ACO1: variants seen among roughly 807,000 people sequenced by gnomAD.
ACO1 encodes aconitase 1, also known as cytoplasmic aconitate hydratase.
In ACO1, 78 loss-of-function variants were observed where a neutral mutation model predicts 105.1. That is an observed-to-expected ratio of 0.74 (90% CI 0.62 to 0.90). The LOEUF is 0.90. ACO1 is among the 40% of genes least tolerant of loss of function. The pLI is 0.00. For missense variants in ACO1, 965 were observed against 1,111.1 expected (o/e 0.87, Z 1.87); for synonymous variants, 364 against 397.4 (o/e 0.92, Z 1.00).
intron 1 of ACO1, among the ~76,000 whole-genome samples, chr9:32,401,703 C>T (rs1821499304): frequency 6.6e-6 from 1 of 152,212 alleles, no homozygotes; most frequent in African/African-American, 2.4e-5. Context: ...GGGAAAAACC[C>T]TAGCTCTTCA....
At chr9:32,408,482 T>G (rs1225723198) in intron 3 of ACO1, 32 bp from the exon 4 acceptor site, 1 of 1,612,678 alleles carries the variant, frequency 6.2e-7, no homozygotes, top group Non-Finnish European at 8.5e-7. Flanking sequence ...ATTTAAGGCT[T>G]ATTTTCTGCA....
At chr9:32,400,638 A>G (rs563279037) in intron 1 of ACO1, among the ~76,000 whole-genome samples, 2 of 152,216 alleles carry the variant, frequency 1.3e-5, no homozygotes, top group African/African-American at 4.8e-5. Context: ...GGACCATTCT[A>G]TCTTTCTTTC....
In ACO1 at chr9:32,452,977, C is replaced by CCCCCCA. The variant is rs1554664991; in HGVS notation, c.*2866_*2867insCCCCCA. ...AATCAATCACCACCCCCCCCCCCCCCAAAAAAAAAAGTATCTTGGCCAGTG... is the reference window on the plus strand; with the variant it reads ...AATCAATCACCACCCCCCCCCCCCCCCCCCCAAAAAAAAAAAGTATCTTGGCCAGTG... On this transcript the variant is annotated 3_prime_UTR_variant, in exon 21 of 21. Coordinates refer to ENST00000309951, the MANE Select transcript of ACO1 (RefSeq NM_002197.3). The CCCCCCA allele has an allele frequency of 1.1e-5, 1 of 91,922 alleles. No homozygotes were observed. Among genetic ancestry groups the CCCCCCA allele is most frequent in the Non-Finnish European group, 2.1e-5 (1 of 47,332 alleles). The allele number at this position is 91,922 out of a possible 1,614,324, so 5.7% of individuals were successfully genotyped here. A position where few individuals can be genotyped will look rare whatever the true frequency, so the allele number is the denominator to read the frequency against.
chr9:32,434,887 G>C (rs749145506), intron 17 of ACO1, among the ~76,000 whole-genome samples, 186 bp downstream of exon 17: 5 of 152,098 alleles, frequency 3.3e-5, no homozygotes, highest in Admixed American at 3.3e-4. Context: ...TGGGAGAAAC[G>C]ATCAACATGT....
rs982724567 is a variant in ACO1, at chr9:32,452,787, A to C, written c.*2676A>C. The C allele has an allele frequency of 1.4e-5, 2 of 147,172 alleles. No homozygotes were observed. The highest frequency in any genetic ancestry group is 2.1e-4 in the South Asian group (1 of 4,752). The allele number at this position is 147,172 out of a possible 1,614,324, so 9.1% of individuals were successfully genotyped here. On this transcript the variant is annotated 3_prime_UTR_variant, in exon 21 of 21. Coordinates refer to ENST00000309951, the MANE Select transcript of ACO1 (RefSeq NM_002197.3). Reference sequence around the variant, plus strand: ...GAGACCAGCCTGGGCAACACTCTACAAAAAAAAAAATAAATAAATAAATAA... The same window carrying C: ...GAGACCAGCCTGGGCAACACTCTACCAAAAAAAAAATAAATAAATAAATAA...
In ACO1 at chr9:32,426,609, T is replaced by G. The variant is rs1009374094; in HGVS notation, c.1348+612T>G. ...AGCAGACACGGGCATTAGGAAAGCC[T>G]TCTTTGCCTGAGTCCGTGTATTGCC... On this transcript the variant is annotated intron_variant, in intron 11 of 20. Transcript: ENST00000309951. 6.6e-5 allele frequency among the ~76,000 whole-genome samples: 10 copies of G among 152,226 alleles called. 1 individual carries two copies. The highest frequency in any genetic ancestry group is 1.9e-4 in the African/African-American group (8 of 41,472).
intron 12 of ACO1, among the ~76,000 whole-genome samples, chr9:32,429,045 C>T (rs1224591190): frequency 1.3e-5 from 2 of 152,142 alleles, no homozygotes; most frequent in Non-Finnish European, 1.5e-5. Context: ...TTGCCAAATA[C>T]GCTTTCTCCA....
intron 19 of ACO1, among the ~76,000 whole-genome samples, chr9:32,443,996 G>T (rs1587556339): frequency 6.6e-6 from 1 of 152,114 alleles, no homozygotes; most frequent in African/African-American, 2.4e-5. Context: ...ACAGGCCCCA[G>T]TGTGTGATGT....
At chr9:32,397,455 C>T (rs1006323188) in intron 1 of ACO1, among the ~76,000 whole-genome samples, 1 of 152,212 alleles carries the variant, frequency 6.6e-6, no homozygotes, top group African/African-American at 2.4e-5. Flanking sequence ...ATTAATGTTT[C>T]TAGCTCTCTT....
At chr9:32,407,634 A>G (rs1821644779) in intron 3 of ACO1, among the ~76,000 whole-genome samples, 1 of 152,354 alleles carries the variant, frequency 6.6e-6, no homozygotes, top group South Asian at 2.1e-4. Flanking sequence ...GATTGTGTCC[A>G]GCAAACTGAA....
At chr9:32,393,998 T>C (rs1431767691) in intron 1 of ACO1, among the ~76,000 whole-genome samples, 4 of 152,226 alleles carry the variant, frequency 2.6e-5, no homozygotes, top group Non-Finnish European at 5.9e-5. Flanking sequence ...AATCCTTTAA[T>C]GGTGCCTCCT....
At chr9:32,415,326 TTGAA>T (rs1821825336) in intron 4 of ACO1, among the ~76,000 whole-genome samples, 1 of 152,228 alleles carries the variant, frequency 6.6e-6, no homozygotes, top group Non-Finnish European at 1.5e-5. Flanking sequence ...CAAAGGTAGA[TTGAA>T]TGGCCTCACA....
At position 32,418,409 on chromosome 9, in the gene ACO1, G is replaced by C. The variant is rs940448475; in HGVS notation, c.556G>C (p.Ala186Pro). 1.2e-6 allele frequency: 2 copies of C among 1,614,080 alleles called. No individual in the cohort carries two copies. Among genetic ancestry groups the C allele is most frequent in the Admixed American group, 1.7e-5 (1 of 60,002 alleles). ...IIHQVNLEYL[A>P]RVVFDQDGYY... ...CCACCAGGTGAATTTGGAATATTTG[G>C]CAAGAGTGGTATTTGATCAGGATGG... The change falls in exon 6 of 21, where the codon GCA (alanine) becomes CCA (proline). Residue 186 changes from alanine to proline, a missense_variant. Transcript: ENST00000309951.
In ACO1 at chr9:32,418,313, A is replaced by C; in HGVS notation, c.475-15A>C. ...TTCACGCGTTCATAGTGTTCTTTCC[A>C]TTTGTCAATCCCAGTGGGGTTCCCA... On this transcript the variant is annotated splice_polypyrimidine_tract_variant and intron_variant, in intron 5 of 20. Coordinates refer to ENST00000309951, the MANE Select transcript of ACO1 (RefSeq NM_002197.3). 6.2e-7 allele frequency: 1 copy of C among 1,613,858 alleles called. No individual in the cohort carries two copies.
intron 1 of ACO1, among the ~76,000 whole-genome samples, chr9:32,387,502 G>A (rs1397249100): frequency 1.3e-5 from 2 of 152,074 alleles, no homozygotes; most frequent in African/African-American, 4.8e-5. Context: ...GCTATTGTCT[G>A]AGCCAAGGTG....
intron 1 of ACO1, among the ~76,000 whole-genome samples, chr9:32,385,336 A>G (rs1563924328): frequency 6.6e-6 from 1 of 152,190 alleles, no homozygotes; most frequent in Non-Finnish European, 1.5e-5. Flanking sequence ...CCTTCTTGCA[A>G]CACATGTAAC....
intron 1 of ACO1, among the ~76,000 whole-genome samples, chr9:32,394,182 C>T (rs990944724): frequency 6.6e-6 from 1 of 152,204 alleles, no homozygotes; most frequent in African/African-American, 2.4e-5. Flanking sequence ...CTTATTCTTT[C>T]AGTGACTCTG....
Position 32,433,907 on chromosome 9 carries a change from C to G in ACO1, c.1956+75C>G, listed in dbSNP as rs181928170. On this transcript the variant is annotated intron_variant, in intron 16 of 20. Transcript: ENST00000309951. ...CCTAATAATATCTACTTTATTACCC[C>G]ATGCTCTTGCTTTGACTACCCATTT... The G allele has an allele frequency of 2.5e-6, 3 of 1,201,848 alleles. No homozygotes were observed. The Admixed American group carries it at 6.9e-5, about 27-fold the overall frequency. The allele number at this position is 1,201,848 out of a possible 1,614,324, so 74.4% of individuals were successfully genotyped here.
rs1352829913 is a variant in ACO1 at position 32,454,381 on chromosome 9, C to T, written c.*4270C>T. 6.6e-6 allele frequency: 1 copy of T among 152,148 alleles called. No homozygotes were observed. The highest frequency in any genetic ancestry group is 6.5e-5 in the Admixed American group (1 of 15,272). 9.4% of individuals were successfully genotyped at this position (152,148 alleles called of 1,614,324 possible). A position where few individuals can be genotyped will look rare whatever the true frequency, so the allele number is the denominator to read the frequency against. On this transcript the variant is annotated 3_prime_UTR_variant, in exon 21 of 21. Coordinates refer to ENST00000309951, the MANE Select transcript of ACO1 (RefSeq NM_002197.3). ...CATTTTAAGGACAGGAATTGGTTTA[C>T]TGACCTTGATGTTGGGATGACTCTT...
Sources: gnomAD v4.1 joint callset for allele counts (sites outside exome capture counted in the v4.1 genomes callset) on GRCh38, gnomAD v4.1.1 for gene constraint, MANE v1.5 for transcripts, NCBI Gene and HGNC (gene_info 2026-07-23, HGNC 2026-07-21) for gene names.